Variants in RBM20 observed in about 807,000 individuals in gnomAD.
RBM20 encodes the protein RNA binding motif protein 20.
A neutral mutation model predicts 110.1 loss-of-function variants in RBM20; 51 were observed. That is an observed-to-expected ratio of 0.46 (90% CI 0.37 to 0.59). The LOEUF (loss-of-function observed/expected upper bound fraction) is 0.59, where lower values mean the gene tolerates loss of function less well. Ranked by LOEUF, RBM20 falls within the 20% of genes least tolerant of loss-of-function variation. The pLI is 0.00. For synonymous variants in RBM20, 589 were observed against 618.2 expected (o/e 0.95, Z 0.70); for missense variants, 1,512 against 1,574.9 (o/e 0.96, Z 0.68).
At chr10:110,746,346 G>A (rs895310086) in intron 1 of RBM20, among the ~76,000 whole-genome samples, 2 of 152,204 alleles carry the variant, frequency 1.3e-5, no homozygotes, top group African/African-American at 2.4e-5. Flanking sequence ...CTTAATGGGA[G>A]GGGCTTCCAG....
chr10:110,721,526 T>A (rs1843505877), intron 1 of RBM20, among the ~76,000 whole-genome samples: 1 of 152,084 alleles, frequency 6.6e-6, no homozygotes, highest in East Asian at 1.9e-4. Context: ...CATGTTTGGG[T>A]CTGTCCAGGC....
chr10:110,767,547 G>A (rs1292427941), intron 1 of RBM20, among the ~76,000 whole-genome samples: 1 of 150,504 alleles, frequency 6.6e-6, no homozygotes, highest in African/African-American at 2.5e-5. Flanking sequence ...CGGCTGCCGG[G>A]CGGAGGGGCT....
chr10:110,761,491 C>T (rs1844002988), intron 1 of RBM20, among the ~76,000 whole-genome samples: 1 of 152,082 alleles, frequency 6.6e-6, no homozygotes, highest in Non-Finnish European at 1.5e-5. Flanking sequence ...TTCCTGTGTA[C>T]TTGGCACTTG....
chr10:110,821,784 G>A lies in RBM20; in HGVS notation c.3165G>A (p.Arg1055=). 6.4e-7 allele frequency: 1 copy of A among 1,551,742 alleles called. No homozygotes were observed. The highest frequency in any genetic ancestry group is 8.7e-7 in the Non-Finnish European group (1 of 1,147,012). ...CTTCCCCTAAGCCAGCAGAGGAGAG[G>A]GCCCGGCAGCCAAGCCCATTTGTGG... is the stretch of plus-strand genomic sequence containing the variant. ...QMSSPKPAEE[R]ARQPSPFVDD... The change falls in exon 11 of 14, where the codon AGG becomes AGA. Residue 1055 remains arginine (R), a synonymous_variant. Coordinates refer to ENST00000369519, the MANE Select transcript of RBM20 (RefSeq NM_001134363.3).
intron 1 of RBM20, among the ~76,000 whole-genome samples, chr10:110,703,665 C>T (rs1862792477): frequency 6.6e-6 from 1 of 152,092 alleles, no homozygotes; most frequent in African/African-American, 2.4e-5. Context: ...TTCATGTTTC[C>T]AGCACTACAG....
chr10:110,774,232 A>C (rs1016871474), intron 1 of RBM20, among the ~76,000 whole-genome samples: 1 of 152,326 alleles, frequency 6.6e-6, no homozygotes, highest in East Asian at 1.9e-4. Flanking sequence ...ACTCATTAAC[A>C]CACCAACTGA....
At position 110,837,213 on chromosome 10, in the gene RBM20, C is replaced by T. The variant is rs1845143155; in HGVS notation, c.*1235C>T. On this transcript the variant is annotated 3_prime_UTR_variant, in exon 14 of 14. Transcript: ENST00000369519. ...CCCTGGGTTTGACTGTATGTGCAGA[C>T]TTTGATACCAAAATGTTATGAAAAG... 1 of 152,184 alleles carries T rather than the reference C, an allele frequency of 6.6e-6. No homozygotes were observed. The highest frequency in any genetic ancestry group is 2.1e-4 in the South Asian group (1 of 4,822). The allele number at this position is 152,184 out of a possible 1,614,324, so 9.4% of individuals were successfully genotyped here.
intron 1 of RBM20, among the ~76,000 whole-genome samples, chr10:110,765,748 G>T (rs1162171713): frequency 1.3e-5 from 2 of 152,014 alleles, no homozygotes; most frequent in African/African-American, 4.8e-5. Context: ...GCATGGACGG[G>T]GTGTCTTATA....
intron 1 of RBM20, among the ~76,000 whole-genome samples, chr10:110,650,565 G>C (rs890626568): frequency 6.6e-6 from 1 of 152,102 alleles, no homozygotes; most frequent in Non-Finnish European, 1.5e-5. Context: ...CGCCAATTTT[G>C]CCTTCTTTAA....
chr10:110,657,890 T>G (rs1862047520), intron 1 of RBM20, among the ~76,000 whole-genome samples: 1 of 152,252 alleles, frequency 6.6e-6, no homozygotes, highest in African/African-American at 2.4e-5. Flanking sequence ...TACATAAGAA[T>G]CATTGTTTGG....
At chr10:110,776,693 T>G (rs1031224806) in intron 1 of RBM20, among the ~76,000 whole-genome samples, 1 of 152,234 alleles carries the variant, frequency 6.6e-6, no homozygotes, top group African/African-American at 2.4e-5. Context: ...ATTCAGATAA[T>G]CAAGATCTTT....
intron 5 of RBM20, among the ~76,000 whole-genome samples, chr10:110,797,156 G>A (rs566921683): frequency 8.6e-4 from 131 of 152,252 alleles, no homozygotes; most frequent in African/African-American, 3.0e-3. Context: ...ATTATGAAAT[G>A]GTGGTGCATG....
intron 1 of RBM20, among the ~76,000 whole-genome samples, chr10:110,672,187 A>T (rs906396569): frequency 5.3e-5 from 8 of 152,314 alleles, no homozygotes; most frequent in African/African-American, 1.9e-4. Flanking sequence ...GCACTTGGAC[A>T]GGGTTCTGCC....
At chr10:110,653,707 C>T (rs768270822) in intron 1 of RBM20, among the ~76,000 whole-genome samples, 2 of 152,100 alleles carry the variant, frequency 1.3e-5, no homozygotes, top group Non-Finnish European at 2.9e-5. Flanking sequence ...AGACGTGCAC[C>T]ACCACGCTCT....
chr10:110,828,465 G>A (rs1845009371), intron 12 of RBM20, among the ~76,000 whole-genome samples: 1 of 151,402 alleles, frequency 6.6e-6, no homozygotes, highest in Non-Finnish European at 1.5e-5. Context: ...CAGAGCAGGG[G>A]CCAGGGAAGA....
chr10:110,737,479 A>G (rs529459665), intron 1 of RBM20, among the ~76,000 whole-genome samples: 2 of 152,326 alleles, frequency 1.3e-5, no homozygotes, highest in African/African-American at 4.8e-5. Flanking sequence ...TTACACAGTG[A>G]ACATATCCCT....
intron 1 of RBM20, among the ~76,000 whole-genome samples, chr10:110,690,160 C>T (rs1477510402): frequency 6.6e-6 from 1 of 152,148 alleles, no homozygotes; most frequent in Non-Finnish European, 1.5e-5. Context: ...AATCCCAGCA[C>T]TTTGGGAAGC....
intron 1 of RBM20, among the ~76,000 whole-genome samples, chr10:110,702,979 GT>G (rs576648088): frequency 2.8e-5 from 4 of 142,352 alleles, no homozygotes; most frequent in African/African-American, 7.8e-5. Context: ...TTTGGGGTGG[GT>G]TTTTTTTCTT....
intron 1 of RBM20, among the ~76,000 whole-genome samples, chr10:110,734,050 T>A (rs1843645248): frequency 6.6e-6 from 1 of 152,210 alleles, no homozygotes. Context: ...ACCCCTCCCT[T>A]CCATTGGATG....
Sources: gnomAD v4.1 joint callset for allele counts (sites outside exome capture counted in the v4.1 genomes callset) on GRCh38, gnomAD v4.1.1 for gene constraint, MANE v1.5 for transcripts, NCBI Gene and HGNC (gene_info 2026-07-23, HGNC 2026-07-21) for gene names.